The following DISP1 variants were observed in gnomAD, a reference collection of about 807,000 sequenced individuals.
DISP1 encodes dispatched RND transporter family member 1, also known as protein dispatched homolog 1.
Under a neutral mutation model 37.3 loss-of-function variants are expected in DISP1, and 30 were observed. The observed-to-expected ratio is 0.80, with a 90% CI of 0.60 to 1.09. The LOEUF (loss-of-function observed/expected upper bound fraction) is 1.09, where lower values mean the gene tolerates loss of function less well. Ranked by LOEUF, DISP1 falls within the 50% of genes least tolerant of loss-of-function variation. The pLI is 0.00. For missense variants in DISP1, 1,598 were observed against 1,879.5 expected (o/e 0.85, Z 2.77); for synonymous variants, 634 against 690.2 (o/e 0.92, Z 1.28).
chr1:222,920,756 A>T (rs1672767021), intron 1 of DISP1, among the ~76,000 whole-genome samples: 1 of 152,154 alleles, frequency 6.6e-6, no homozygotes, highest in South Asian at 2.1e-4. Flanking sequence ...GTCTTCTCTG[A>T]AATTTAATGA....
chr1:222,991,025 T>C (rs1458512959), intron 5 of DISP1, among the ~76,000 whole-genome samples: 1 of 152,210 alleles, frequency 6.6e-6, no homozygotes, highest in Non-Finnish European at 1.5e-5. Context: ...TCTACAAAAT[T>C]ATTCTCATAA....
intron 1 of DISP1, among the ~76,000 whole-genome samples, chr1:222,862,821 G>A (rs1036525041): frequency 3.9e-5 from 6 of 152,092 alleles, no homozygotes; most frequent in South Asian, 4.2e-4. Context: ...GTGAGCCACC[G>A]TGCTCAGCGT....
chr1:223,005,533 G>C lies in DISP1; in HGVS notation c.4136G>C (p.Arg1379Thr). 6.2e-7 allele frequency: 1 copy of C among 1,614,114 alleles called. No homozygotes were observed. The highest frequency in any genetic ancestry group is 1.1e-5 in the South Asian group (1 of 91,080). Residue 1379 changes from arginine to threonine, a missense_variant, in exon 9 of 9, where the codon AGG (arginine) becomes ACG (threonine). By Grantham distance (71) the Arg-to-Thr change is moderately conservative. Coordinates refer to ENST00000675850, the MANE Select transcript of DISP1 (RefSeq NM_001377229.1). ...AAGACCAATGTACACAGTCTTCAGA[G>C]GAGCATAGAAGAGCATCTTCCAAAG... Reference protein sequence around the residue: ...IGKTNVHSLQRSIEEHLPKMA... With the variant: ...IGKTNVHSLQTSIEEHLPKMA...
chr1:222,933,373 C>T (rs1037677342), intron 2 of DISP1, among the ~76,000 whole-genome samples: 3 of 151,722 alleles, frequency 2.0e-5, no homozygotes, highest in Non-Finnish European at 3.0e-5. Flanking sequence ...AAATGTTAGG[C>T]GTATTTCATT....
intron 1 of DISP1, chr1:222,827,590 TTTAA>T (rs1333842523): frequency 6.6e-6 from 1 of 152,188 alleles, no homozygotes; most frequent in Non-Finnish European, 1.5e-5. Context: ...TTTGACAAAT[TTTAA>T]TTAACAGGTA....
At chr1:222,936,642 G>GAT (rs536931781) in intron 2 of DISP1, among the ~76,000 whole-genome samples, 4 of 95,056 alleles carry the variant, frequency 4.2e-5, no homozygotes, top group Non-Finnish European at 5.7e-5. Flanking sequence ...ATATATATGA[G>GAT]ATATATATAT....
At chr1:222,903,311 G>C (rs1223018088) in intron 1 of DISP1, among the ~76,000 whole-genome samples, 1 of 111,910 alleles carries the variant, frequency 8.9e-6, no homozygotes, top group Non-Finnish European at 1.8e-5. Flanking sequence ...GGTGGGGGGA[G>C]GGGGGAGGGA....
At chr1:222,890,002 A>G (rs1269858496) in intron 1 of DISP1, among the ~76,000 whole-genome samples, 74 of 152,338 alleles carry the variant, frequency 4.9e-4, no homozygotes, top group Non-Finnish European at 1.9e-4. Flanking sequence ...GATTTACTTT[A>G]GCATATGAAA....
chr1:222,984,467 A>ATATATGTTATATATAACATAGGTT (rs541917432), intron 4 of DISP1, among the ~76,000 whole-genome samples: 44 of 143,978 alleles, frequency 3.1e-4, no homozygotes, highest in African/African-American at 7.2e-4. Context: ...GAGCGTACTC[A>ATATATGTTATATATAACATAGGTT]TATATGTTAT....
intron 1 of DISP1, among the ~76,000 whole-genome samples, chr1:222,925,555 AAT>A (rs1291449133): frequency 6.6e-6 from 1 of 152,188 alleles, no homozygotes; most frequent in African/African-American, 2.4e-5. Flanking sequence ...TGACTCCTTT[AAT>A]ATATTTCCTC....
intron 1 of DISP1, among the ~76,000 whole-genome samples, chr1:222,878,012 A>G (rs1203331286): frequency 6.6e-6 from 1 of 152,180 alleles, no homozygotes; most frequent in Non-Finnish European, 1.5e-5. Flanking sequence ...TATGAGTCAG[A>G]TCCCACAGAA....
intron 3 of DISP1, among the ~76,000 whole-genome samples, chr1:222,948,293 G>A (rs941382200): frequency 2.0e-5 from 3 of 152,188 alleles, no homozygotes; most frequent in African/African-American, 7.2e-5. Context: ...CTTTGACTCA[G>A]GCCAGCAGGT....
At chr1:222,927,142 T>C (rs557922348) in intron 1 of DISP1, among the ~76,000 whole-genome samples, 85 of 152,048 alleles carry the variant, frequency 5.6e-4, no homozygotes, top group African/African-American at 1.9e-3. Context: ...CTAAAGCGTG[T>C]TACATTCCCG....
At position 222,928,262 on chromosome 1, in the gene DISP1, T is replaced by C. The variant is rs138630413; in HGVS notation, c.-158-168T>C. On this transcript the variant is annotated intron_variant, in intron 1 of 8. Transcript: ENST00000675850. ...CCTTCATATCCTGGCTTGCTGACCT[T>C]GTGCTCAGATCAAGCCCCTCTGTAT... 5.0e-3 allele frequency among the ~76,000 whole-genome samples: 763 copies of C among 152,302 alleles called. 9 individuals are homozygous for C. Among genetic ancestry groups the C allele is most frequent in the African/African-American group, 0.017 (709 of 41,556 alleles).
Position 223,002,686 on chromosome 1 carries a change from A to T in DISP1, c.1289A>T (p.Tyr430Phe), listed in dbSNP as rs1225070269. The T allele has an allele frequency of 6.2e-7, 1 of 1,614,142 alleles. No homozygotes were observed. Among genetic ancestry groups the T allele is most frequent in the East Asian group, 2.2e-5 (1 of 44,872 alleles). Reference protein sequence around the residue: ...KYNAVYQILHYLVDKDFMTPK... With the variant: ...KYNAVYQILHFLVDKDFMTPK... ...AATGCTGTGTACCAGATCCTCCATTACTTGGTGGACAAAGACTTTATGACC... is the reference window on the plus strand; with the variant it reads ...AATGCTGTGTACCAGATCCTCCATTTCTTGGTGGACAAAGACTTTATGACC... The change falls in exon 9 of 9, where the codon TAC becomes TTC. Residue 430 changes from tyrosine (Y) to phenylalanine (F), a missense_variant. Coordinates refer to ENST00000675850, the MANE Select transcript of DISP1 (RefSeq NM_001377229.1).
chr1:222,995,000 T>A lies in DISP1; in HGVS notation c.987+18T>A. 6.4e-7 allele frequency: 1 copy of A among 1,564,438 alleles called. No individual in the cohort carries two copies. Among genetic ancestry groups the A allele is most frequent in the South Asian group, 1.1e-5 (1 of 90,166 alleles). On this transcript the variant is annotated intron_variant, in intron 8 of 8. Coordinates refer to ENST00000675850, the MANE Select transcript of DISP1 (RefSeq NM_001377229.1). ...ATTCCAGGGTATGTAAGATAAAAACTAAAATCTCCTTAGCACAAATAAGGT... is the reference window on the plus strand; with the variant it reads ...ATTCCAGGGTATGTAAGATAAAAACAAAAATCTCCTTAGCACAAATAAGGT...
At position 222,815,056 on chromosome 1, in the gene DISP1, GCATCCGAGAGC is replaced by G. The variant is rs1660798598; in HGVS notation, c.-179_-169del. The G allele has an allele frequency of 1.3e-5, 2 of 152,380 alleles. No homozygotes were observed. The highest frequency in any genetic ancestry group is 4.1e-4 in the South Asian group (2 of 4,832). 9.4% of individuals were successfully genotyped at this position (152,380 alleles called of 1,614,324 possible). A position where few individuals can be genotyped will look rare whatever the true frequency, so the allele number is the denominator to read the frequency against. On this transcript the variant is annotated 5_prime_UTR_variant, in exon 1 of 9. Coordinates refer to ENST00000675850, the MANE Select transcript of DISP1 (RefSeq NM_001377229.1). ...CAGGCGGAAGCCCGGCTCCGGGCCA[GCATCCGAGAGC>G]CCGGACTGGAGGTGAGTTCGCAGCC... is the stretch of plus-strand genomic sequence containing the variant.
At chr1:222,930,294 T>C (rs1182993126) in intron 2 of DISP1, among the ~76,000 whole-genome samples, 4 of 152,138 alleles carry the variant, frequency 2.6e-5, no homozygotes, top group African/African-American at 7.2e-5. Context: ...ACAGATGATA[T>C]GAACATTTCC....
At chr1:222,833,404 A>G (rs1198316923) in intron 1 of DISP1, among the ~76,000 whole-genome samples, 1 of 152,176 alleles carries the variant, frequency 6.6e-6, no homozygotes, top group Non-Finnish European at 1.5e-5. Flanking sequence ...TAATATTTGT[A>G]TGCCCCACAA....
Sources: allele counts gnomAD v4.1 joint callset (sites outside exome capture counted in the v4.1 genomes callset), GRCh38; gene constraint gnomAD v4.1.1; transcripts MANE v1.5; gene names NCBI Gene and HGNC (gene_info 2026-07-23, HGNC 2026-07-21).